Variants in NRXN1 observed in about 807,000 individuals in gnomAD.
NRXN1 encodes the protein neurexin 1.
In NRXN1, 39 loss-of-function variants were observed where a neutral mutation model predicts 150.9. That is an observed-to-expected ratio of 0.26 (90% CI 0.20 to 0.34). The LOEUF is 0.34. Ranked by LOEUF, NRXN1 falls within the 10% of genes least tolerant of loss-of-function variation. The probability of loss-of-function intolerance (pLI) is 1.00; values close to 1 mark genes in which losing one functional copy is unlikely to be tolerated. For missense variants in NRXN1, 1,815 were observed against 1,949.9 expected (o/e 0.93, Z 1.30); for synonymous variants, 924 against 757.0 (o/e 1.22, Z -3.62).
Position 50,778,204 on chromosome 2 carries a change from T to C in NRXN1, c.832+143665A>G, listed in dbSNP as rs1703897850. On this transcript the variant is annotated intron_variant, in intron 5 of 22. Coordinates refer to ENST00000401669, the MANE Select transcript of NRXN1 (RefSeq NM_001330078.2). Reference sequence around the variant, plus strand: ...ACAGGGACTAAGGATGTAAAAACAATGAGTCATTACAGGTGTGTCTGCCTT... The same window carrying C: ...ACAGGGACTAAGGATGTAAAAACAACGAGTCATTACAGGTGTGTCTGCCTT... Among the ~76,000 whole-genome samples, 2 of 152,128 alleles carry C rather than the reference T, an allele frequency of 1.3e-5. 1 individual carries two copies. The highest frequency in any genetic ancestry group is 4.1e-4 in the South Asian group (2 of 4,826).
intron 21 of NRXN1, among the ~76,000 whole-genome samples, chr2:49,987,427 T>C (rs1681118493): frequency 6.6e-6 from 1 of 152,328 alleles, no homozygotes; most frequent in African/African-American, 2.4e-5. Context: ...TATTATTTAT[T>C]ATTTTTTGTG....
intron 19 of NRXN1, 69 bp from the exon 20 acceptor site, chr2:50,055,113 A>T: frequency 9.4e-7 from 1 of 1,064,318 alleles, no homozygotes; most frequent in Non-Finnish European, 1.4e-6. Flanking sequence ...TTAATACTTA[A>T]AGATTGAGCT....
intron 15 of NRXN1, among the ~76,000 whole-genome samples, chr2:50,477,799 G>A (rs985319187): frequency 2.0e-5 from 3 of 152,156 alleles, no homozygotes; most frequent in African/African-American, 7.2e-5. Flanking sequence ...AAGAAAAAGT[G>A]AAGTCACACA....
intron 22 of NRXN1, among the ~76,000 whole-genome samples, chr2:49,930,306 C>T (rs933442396): frequency 1.1e-4 from 17 of 152,104 alleles, no homozygotes; most frequent in Admixed American, 4.6e-4. Flanking sequence ...ATATCATTAA[C>T]AAAATGAAAA....
At chr2:50,046,192 G>A (rs1386156546) in intron 21 of NRXN1, among the ~76,000 whole-genome samples, 1 of 152,204 alleles carries the variant, frequency 6.6e-6, no homozygotes, top group Non-Finnish European at 1.5e-5. Context: ...TCCTTGGACA[G>A]CTCTTCGTTG....
At chr2:50,329,578 A>AGTGTGTGTGTGTGTGTGT (rs55865684) in intron 17 of NRXN1, among the ~76,000 whole-genome samples, 4 of 33,992 alleles carry the variant, frequency 1.2e-4, no homozygotes, top group African/African-American at 3.8e-4. Flanking sequence ...ATATAACAGT[A>AGTGTGTGTGTGTGTGTGT]GTGTGTGTGT....
At chr2:50,997,120 G>C (rs563088346) in intron 2 of NRXN1, among the ~76,000 whole-genome samples, 37 of 152,146 alleles carry the variant, frequency 2.4e-4, no homozygotes, top group African/African-American at 8.4e-4. Context: ...AAGCACTTTG[G>C]GAGGCTGAGC....
At chr2:50,758,170 C>T (rs1574372030) in intron 5 of NRXN1, 1 of 151,912 alleles carries the variant, frequency 6.6e-6, no homozygotes, top group Middle Eastern at 3.4e-3. Flanking sequence ...AATAGTTTAA[C>T]CAACGCAGAG....
intron 5 of NRXN1, among the ~76,000 whole-genome samples, chr2:50,695,966 C>T (rs1199378998): frequency 1.3e-5 from 2 of 151,760 alleles, no homozygotes; most frequent in Admixed American, 6.6e-5. Context: ...TCTCAGCCTC[C>T]CAAGCAGCTG....
chr2:50,212,680 G>A (rs997112222), intron 18 of NRXN1, among the ~76,000 whole-genome samples: 10 of 151,708 alleles, frequency 6.6e-5, no homozygotes, highest in African/African-American at 2.4e-4. Context: ...AGCATTCTTA[G>A]GAAACAAATA....
Position 50,655,668 on chromosome 2 carries a change from G to T in NRXN1, c.833-32053C>A, listed in dbSNP as rs186121453. ...GTGTTGTTGTTTTTATTTTTCTTTT[G>T]GGGGGGGAGGGAAGAAAGAGGACAG... On this transcript the variant is annotated intron_variant, in intron 5 of 22. Transcript: ENST00000401669. Among the ~76,000 whole-genome samples the T allele has an allele frequency of 3.3e-4, 48 of 145,192 alleles. No homozygotes were observed. In the East Asian group the frequency reaches 7.1e-3, roughly 21 times the overall value.
intron 5 of NRXN1, among the ~76,000 whole-genome samples, chr2:50,852,297 C>A (rs1382426104): frequency 6.6e-6 from 1 of 151,808 alleles, no homozygotes; most frequent in Non-Finnish European, 1.5e-5. Context: ...CCCTATCAGG[C>A]AAAAAAGGCA....
At chr2:50,218,859 T>C (rs573071328) in intron 18 of NRXN1, among the ~76,000 whole-genome samples, 8 of 152,174 alleles carry the variant, frequency 5.3e-5, no homozygotes, top group South Asian at 4.1e-4. Context: ...ATTCCTGTTA[T>C]ACATATGCAA....
chr2:50,638,141 G>C (rs559626904), intron 5 of NRXN1, among the ~76,000 whole-genome samples: 1 of 152,222 alleles, frequency 6.6e-6, no homozygotes, highest in Admixed American at 6.5e-5. Context: ...TGGGTCTCTA[G>C]ATCAGTTGAC....
At chr2:49,926,373 A>T (rs1669108000) in intron 22 of NRXN1, 1 of 398,466 alleles carries the variant, frequency 2.5e-6, no homozygotes, top group Non-Finnish European at 4.4e-6. Flanking sequence ...GAAGTTTTCC[A>T]CATGGTCTGC....
At chr2:50,095,001 G>A (rs373164925) in intron 18 of NRXN1, among the ~76,000 whole-genome samples, 1 of 152,104 alleles carries the variant, frequency 6.6e-6, no homozygotes, top group South Asian at 2.1e-4. Flanking sequence ...GCCAAGTAAG[G>A]TCATTTCTGC....
At chr2:50,086,385 A>T (rs1698775911) in intron 19 of NRXN1, among the ~76,000 whole-genome samples, 1 of 152,116 alleles carries the variant, frequency 6.6e-6, no homozygotes, top group Non-Finnish European at 1.5e-5. Context: ...ATGAAAACAG[A>T]GTTAAGGTTT....
chr2:49,992,402 CA>C, intron 21 of NRXN1, among the ~76,000 whole-genome samples: 1 of 88,182 alleles, frequency 1.1e-5, no homozygotes, highest in Middle Eastern at 7.0e-3. Context: ...AAAAACACCC[CA>C]AAAACAAACA....
intron 18 of NRXN1, among the ~76,000 whole-genome samples, chr2:50,129,991 G>A (rs1272183536): frequency 2.0e-5 from 3 of 151,840 alleles, no homozygotes; most frequent in South Asian, 2.1e-4. Context: ...AACTATAAAC[G>A]CCAGACACTA....
Sources: allele counts gnomAD v4.1 joint callset (sites outside exome capture counted in the v4.1 genomes callset), GRCh38; gene constraint gnomAD v4.1.1; transcripts MANE v1.5; gene names NCBI Gene and HGNC (gene_info 2026-07-23, HGNC 2026-07-21).